The following KIAA0408 variants were observed in gnomAD, a reference collection of about 807,000 sequenced individuals.
KIAA0408 encodes the protein uncharacterized protein KIAA0408.
KIAA0408 carries 51 observed loss-of-function variants against 60.9 expected under a neutral mutation model. That is an observed-to-expected ratio of 0.84 (90% confidence interval 0.67 to 1.06). The LOEUF is 1.06. Ranked by LOEUF, KIAA0408 falls within the 50% of genes least tolerant of loss-of-function variation. The probability of loss-of-function intolerance (pLI) is 0.00; values close to 1 mark genes in which losing one functional copy is unlikely to be tolerated. For missense variants in KIAA0408, 787 were observed against 833.9 expected, an observed-to-expected ratio of 0.94 and a Z score of 0.69; for synonymous variants, 304 against 282.4, an observed-to-expected ratio of 1.08 and a Z score of -0.77.
At chr6:127,447,946 G>A (rs755628290) in intron 4 of KIAA0408, among the ~76,000 whole-genome samples, 4 of 152,130 alleles carry the variant, frequency 2.6e-5, no homozygotes, top group Non-Finnish European at 5.9e-5. Context: ...TATATTCAAT[G>A]CTCTACACAC....
chr6:127,451,337 T>C, intron 2 of KIAA0408: 1 of 455,576 alleles, frequency 2.2e-6, no homozygotes, highest in Non-Finnish European at 4.4e-6. Flanking sequence ...ATACAGTGTA[T>C]TTATTTTTCT....
rs147193772 is a variant in KIAA0408 at position 127,447,136 on chromosome 6, G to A, written c.1183C>T (p.Pro395Ser). The A allele has an allele frequency of 1.1e-4, 181 of 1,613,788 alleles. No homozygotes were observed. In the African/African-American group the frequency reaches 2.2e-3, roughly 20 times the overall value. The change falls in exon 5 of 6, where the codon CCA (proline) becomes TCA (serine). Residue 395 changes from proline to serine, a missense_variant. Pro to Ser is a moderately conservative substitution (Grantham distance 74). This residue lies in a region of KIAA0408 where 640 missense variants were observed against 681.3 expected (regional missense o/e 0.94). Coordinates refer to ENST00000483725, the MANE Select transcript of KIAA0408 (RefSeq NM_014702.5). ...GGATGAGATTTAGCAGGGTGATCTG[G>A]GATCACCATTTCATATTTTGGATTA... ...PSNPKYEMVI[P>S]DHPAKSHPDL...
At chr6:127,445,426 A>C (rs1773174483) in intron 5 of KIAA0408, among the ~76,000 whole-genome samples, 1 of 152,190 alleles carries the variant, frequency 6.6e-6, no homozygotes, top group Non-Finnish European at 1.5e-5. Context: ...TACTTTCTGC[A>C]CCTTATAAAA....
intron 4 of KIAA0408, among the ~76,000 whole-genome samples, chr6:127,448,083 A>T (rs1773236115): frequency 6.6e-6 from 1 of 152,144 alleles, no homozygotes; most frequent in Non-Finnish European, 1.5e-5. Context: ...TGTAGCTTTT[A>T]TCTTGCCATT....
chr6:127,457,340 G>A (rs1773414108), intron 1 of KIAA0408, among the ~76,000 whole-genome samples: 2 of 152,040 alleles, frequency 1.3e-5, no homozygotes, highest in South Asian at 4.2e-4. Context: ...TCTCTACTGG[G>A]GCAAAAATAA....
At position 127,449,900 on chromosome 6, in the gene KIAA0408, G is replaced by A. The variant is rs762279667; in HGVS notation, c.500C>T (p.Ala167Val). ...ACTCACCTTCGCAAGTTCTTCAAGA[G>A]CCTTTACACATATAAGCAACAGCCC... is the stretch of plus-strand genomic sequence containing the variant. The part of the protein sequence containing the change: ...SKSCSGALST[A>V]LEELAKVSEE... Residue 167 changes from alanine (A) to valine (V), a missense_variant and splice_region_variant, in exon 4 of 6, where the codon GCT becomes GTT. Ala to Val is a moderately conservative substitution (Grantham distance 64). Around this residue, in one of 3 missense-constraint regions of KIAA0408, gnomAD observed 640 missense variants for 681.3 expected, o/e 0.94. Transcript: ENST00000483725. 1 of 1,613,930 alleles carries A rather than the reference G, an allele frequency of 6.2e-7. No individual in the cohort carries two copies.
chr6:127,448,846 G>T (rs1057395956), intron 4 of KIAA0408, among the ~76,000 whole-genome samples: 1 of 152,122 alleles, frequency 6.6e-6, no homozygotes, highest in African/African-American at 2.4e-5. Context: ...ACTGACCCAC[G>T]AGGAGAGATA....
At chr6:127,456,934 T>G (rs1220733196) in intron 1 of KIAA0408, among the ~76,000 whole-genome samples, 1 of 152,014 alleles carries the variant, frequency 6.6e-6, no homozygotes, top group African/African-American at 2.4e-5. Flanking sequence ...TTCCCTCCCT[T>G]CCTCTTCTTG....
intron 5 of KIAA0408, among the ~76,000 whole-genome samples, chr6:127,444,545 C>G (rs942831956): frequency 1.3e-5 from 2 of 152,082 alleles, no homozygotes; most frequent in Non-Finnish European, 2.9e-5. Flanking sequence ...CTCTGTAGAA[C>G]TAATGATGAG....
In KIAA0408 at chr6:127,440,637, C is replaced by T. The variant is rs1483006674; in HGVS notation, c.*3472G>A. 2 of 151,938 alleles carry T rather than the reference C, an allele frequency of 1.3e-5. No homozygotes were observed. The highest frequency in any genetic ancestry group is 2.9e-5 in the Non-Finnish European group (2 of 68,000). 9.4% of individuals were successfully genotyped at this position (151,938 alleles called of 1,614,324 possible). On this transcript the variant is annotated 3_prime_UTR_variant, in exon 6 of 6. Transcript: ENST00000483725. ...CACCGCGCCCACCAGTTCTAAGTTC[C>T]GATACATGTACTTGCTACTTAAGAA... is the stretch of plus-strand genomic sequence containing the variant.
At chr6:127,458,810 T>C (rs1773438794) in intron 1 of KIAA0408, among the ~76,000 whole-genome samples, 1 of 151,124 alleles carries the variant, frequency 6.6e-6, no homozygotes, top group African/African-American at 2.5e-5. Flanking sequence ...TAAAAGTCTT[T>C]ATATGAATAA....
intron 1 of KIAA0408, 42 bp downstream of exon 1, chr6:127,459,133 T>C (rs917534768): frequency 6.6e-6 from 1 of 152,236 alleles, no homozygotes; most frequent in Non-Finnish European, 1.5e-5. Context: ...TATCCTGCCA[T>C]AATTAGTCAC....
In KIAA0408 at chr6:127,443,959, A is replaced by T; in HGVS notation, c.*150T>A. ...GAAATCAAAATGCAGGAAGATAATTATTCCTTAGATTAAAAACACTGAAGA... is the reference window on the plus strand; with the variant it reads ...GAAATCAAAATGCAGGAAGATAATTTTTCCTTAGATTAAAAACACTGAAGA... On this transcript the variant is annotated 3_prime_UTR_variant, in exon 6 of 6. Transcript: ENST00000483725. 1 of 659,258 alleles carries T rather than the reference A, an allele frequency of 1.5e-6. No individual in the cohort carries two copies. The highest frequency in any genetic ancestry group is 2.5e-6 in the Non-Finnish European group (1 of 398,728). 40.8% of individuals were successfully genotyped at this position (659,258 alleles called of 1,614,324 possible).
rs1773198988 is a variant in KIAA0408 at position 127,446,582 on chromosome 6, T to C, written c.1737A>G (p.Gln579=). 6.2e-7 allele frequency: 1 copy of C among 1,614,180 alleles called. No individual in the cohort carries two copies. The highest frequency in any genetic ancestry group is 2.2e-5 in the East Asian group (1 of 44,888). ...AATTATCCTGGAAGCACTTAGAATT[T>C]TGCAATGCAGACTCTGTTGCTGTCT... ...TYETATESAL[Q]NSKCFQDNWT... is the part of the protein sequence containing the mutation. The change falls in exon 5 of 6, where the codon CAA becomes CAG. Residue 579 remains glutamine (Q), a synonymous_variant. Coordinates refer to ENST00000483725, the MANE Select transcript of KIAA0408 (RefSeq NM_014702.5).
intron 1 of KIAA0408, among the ~76,000 whole-genome samples, chr6:127,458,599 T>C (rs554185079): frequency 2.6e-5 from 4 of 152,284 alleles, no homozygotes; most frequent in African/African-American, 7.2e-5. Flanking sequence ...AAACTAACCA[T>C]CGTGAACAAA....
At chr6:127,450,569 G>A in intron 2 of KIAA0408, 3 of 532,964 alleles carry the variant, frequency 5.6e-6, no homozygotes, top group Non-Finnish European at 6.0e-6. Flanking sequence ...GGCAACACAT[G>A]GATGCTAATT....
intron 2 of KIAA0408, among the ~76,000 whole-genome samples, chr6:127,452,985 A>C (rs1773328005): frequency 6.6e-6 from 1 of 152,112 alleles, no homozygotes; most frequent in Non-Finnish European, 1.5e-5. Flanking sequence ...ATTCACAGTC[A>C]ATTACATGGC....
rs1188657830 is a variant in KIAA0408 at position 127,447,415 on chromosome 6, C to T, written c.904G>A (p.Glu302Lys). ...TTGTAATTCCTTTTACTTCGACCCT[C>T]ATGGGGCACCCAGCTGTTGTGGTCT... ...RLDHNSWVPH[E>K]GRSKRNYNPH... Residue 302 changes from glutamate (E) to lysine (K), a missense_variant, in exon 5 of 6, where the codon GAG becomes AAG. Coordinates refer to ENST00000483725, the MANE Select transcript of KIAA0408 (RefSeq NM_014702.5). The T allele has an allele frequency of 1.2e-6, 2 of 1,613,760 alleles. No individual in the cohort carries two copies. The highest frequency in any genetic ancestry group is 1.7e-6 in the Non-Finnish European group (2 of 1,179,886).
At chr6:127,450,556 T>G (rs1055335035) in intron 2 of KIAA0408, 2 of 672,740 alleles carry the variant, frequency 3.0e-6, no homozygotes, top group Non-Finnish European at 4.5e-6. Flanking sequence ...CTACTTTTAG[T>G]AGGGCAACAC....
Sources: allele counts gnomAD v4.1 joint callset (sites outside exome capture counted in the v4.1 genomes callset), GRCh38; gene constraint gnomAD v4.1.1; regional missense constraint gnomAD v4.1.1; transcripts MANE v1.5; gene names NCBI Gene and HGNC (gene_info 2026-07-23, HGNC 2026-07-21).